NCOR1: variants seen among roughly 807,000 people sequenced by gnomAD.
NCOR1 encodes the protein nuclear receptor corepressor 1.
NCOR1 carries 63 observed loss-of-function variants against 288.1 expected under a neutral mutation model. The ratio of observed to expected loss-of-function variants is 0.22; its 90% CI spans 0.18 to 0.27. NCOR1 has a LOEUF of 0.27. NCOR1 is among the 10% of genes least tolerant of loss of function. NCOR1 has a pLI of 1.00. For missense variants in NCOR1, 2,397 were observed against 3,019.2 expected (o/e 0.79, Z 4.83); for synonymous variants, 1,007 against 1,065.9 (o/e 0.94, Z 1.08).
intron 6 of NCOR1, among the ~76,000 whole-genome samples, chr17:16,154,343 T>C (rs925851247): frequency 1.3e-5 from 2 of 152,222 alleles, no homozygotes; most frequent in Non-Finnish European, 2.9e-5. Flanking sequence ...AGTCTACAGA[T>C]AGAAGTAAAT....
chr17:16,178,087 T>C (rs558380479), intron 3 of NCOR1, among the ~76,000 whole-genome samples: 1 of 152,104 alleles, frequency 6.6e-6, no homozygotes, highest in South Asian at 2.1e-4. Context: ...CAGGCATCTG[T>C]AATCCCAGCT....
At position 16,034,793 on chromosome 17, in the gene NCOR1, C is replaced by T. The variant is rs1351543627; in HGVS notation, c.7107G>A (p.Trp2369Ter). The T allele has an allele frequency of 6.2e-7, 1 of 1,613,642 alleles. No individual in the cohort carries two copies. The highest frequency in any genetic ancestry group is 8.5e-7 in the Non-Finnish European group (1 of 1,179,818). The change falls in exon 45 of 46, where the codon TGG becomes TGA. Residue 2369 changes from tryptophan to a stop codon, truncating the protein, a stop_gained. Coordinates refer to ENST00000268712, the MANE Select transcript of NCOR1 (RefSeq NM_006311.4). LOFTEE classifies it high-confidence loss of function. ...TTGAAGAGGGCCTGTCTTCCCAGGC[C>T]CACCCTGGCGTCTGCCTATGGTAAT... ...EGDYHRQTPGWAWEDRPSSTG... is the reference protein window; with the variant it reads ...EGDYHRQTPG
At position 16,171,981 on chromosome 17, in the gene NCOR1, C is replaced by A; in HGVS notation, c.257G>T (p.Arg86Ile). Residue 86 changes from arginine (R) to isoleucine (I), a missense_variant, in exon 4 of 46, where the codon AGA becomes ATA. Coordinates refer to ENST00000268712, the MANE Select transcript of NCOR1 (RefSeq NM_006311.4). ...TGGATGAAACGGTTCATAACTAGTT[C>A]TCCTTTCTTGAGGCCTAATACATAC... is the stretch of plus-strand genomic sequence containing the variant. The part of the protein sequence containing the change: ...HPGSDRPQER[R>I]TSYEPFHPGP... 1 of 1,577,164 alleles carries A rather than the reference C, an allele frequency of 6.3e-7. No individual in the cohort carries two copies.
rs747143468 is a variant in NCOR1, at chr17:16,126,132, T to C, written c.1584A>G (p.Lys528=). ...EEDKAEKTEK[K]EEEKKDEEEK... The stretch of plus-strand genomic sequence containing the variant: ...CCTCTTCATCTTTCTTTTCTTCTTC[T>C]TTTTTTTCTGTTTTTTCTGCTTTAT... Residue 528 remains lysine (K), a synonymous_variant, in exon 15 of 46, where the codon AAA becomes AAG. Coordinates refer to ENST00000268712, the MANE Select transcript of NCOR1 (RefSeq NM_006311.4). 13 of 1,541,802 alleles carry C rather than the reference T, an allele frequency of 8.4e-6. No homozygotes were observed. The South Asian group carries it at 1.5e-4, about 17-fold the overall frequency.
At position 16,068,081 on chromosome 17, in the gene NCOR1, T is replaced by C. The variant is rs767904028; in HGVS notation, c.4554A>G (p.Lys1518=). The C allele has an allele frequency of 2.5e-5, 41 of 1,613,828 alleles. 1 individual carries two copies. Among genetic ancestry groups the C allele is most frequent in the Non-Finnish European group, 3.5e-5 (41 of 1,179,932 alleles). Residue 1518 remains lysine (K), a synonymous_variant, in exon 32 of 46, where the codon AAA becomes AAG. Coordinates refer to ENST00000268712, the MANE Select transcript of NCOR1 (RefSeq NM_006311.4). Reference sequence around the variant, plus strand: ...CCCTCTGGGTAGGGGTCAGTGTCGATTTCCTTTCATGATTGGTAGACTTGT... The same window carrying C: ...CCCTCTGGGTAGGGGTCAGTGTCGACTTCCTTTCATGATTGGTAGACTTGT... ...SSNKSTNHER[K]STLTPTQRES...
chr17:16,179,354 A>G (rs6502495), intron 3 of NCOR1, among the ~76,000 whole-genome samples: 7,528 of 152,262 alleles, frequency 0.049, 224 homozygotes, highest in African/African-American at 0.092. Context: ...ATGTCAATAA[A>G]TTGGATAACC....
intron 8 of NCOR1, among the ~76,000 whole-genome samples, chr17:16,150,068 T>C (rs1172074947): frequency 3.3e-5 from 5 of 152,082 alleles, no homozygotes; most frequent in African/African-American, 1.2e-4. Context: ...TTCTAATATA[T>C]CTTAATCGCT....
At chr17:16,067,288 T>C (rs1241650268) in intron 32 of NCOR1, among the ~76,000 whole-genome samples, 1 of 152,240 alleles carries the variant, frequency 6.6e-6, no homozygotes, top group Non-Finnish European at 1.5e-5. Context: ...ACATAATTTG[T>C]AAATCAAGGA....
intron 21 of NCOR1, among the ~76,000 whole-genome samples, chr17:16,095,374 A>G: frequency 6.8e-6 from 1 of 147,696 alleles, no homozygotes; most frequent in East Asian, 2.1e-4. Flanking sequence ...CCCGGCAGCC[A>G]CCCCGCCCGG....
At chr17:16,184,991 A>T (rs2086301765) in intron 3 of NCOR1, among the ~76,000 whole-genome samples, 2 of 141,304 alleles carry the variant, frequency 1.4e-5, no homozygotes, top group South Asian at 4.7e-4. Flanking sequence ...GATTTCGCTT[A>T]TATGTGGAAT....
chr17:16,109,739 T>TA (rs2069599705), intron 18 of NCOR1, among the ~76,000 whole-genome samples: 1 of 121,124 alleles, frequency 8.3e-6, no homozygotes, highest in Non-Finnish European at 1.7e-5. Flanking sequence ...CCACTCAATT[T>TA]ATTTTTCTTT....
chr17:16,052,348 T>C (rs1158555840), intron 40 of NCOR1, among the ~76,000 whole-genome samples: 1 of 151,644 alleles, frequency 6.6e-6, no homozygotes, highest in African/African-American at 2.4e-5. Context: ...TTAGAAAAAA[T>C]TAATAAAACA....
intron 2 of NCOR1, among the ~76,000 whole-genome samples, chr17:16,191,550 CACTG>C (rs1381372026): frequency 4.0e-5 from 6 of 151,720 alleles, no homozygotes; most frequent in Non-Finnish European, 7.4e-5. Context: ...AAGAAAGGAT[CACTG>C]ACTATGATAC....
chr17:16,146,207 C>T (rs895916925), intron 10 of NCOR1, among the ~76,000 whole-genome samples, 169 bp downstream of exon 10: 10 of 152,116 alleles, frequency 6.6e-5, no homozygotes, highest in Non-Finnish European at 1.3e-4. Context: ...CCTTTGTTCA[C>T]ATGTTTATCT....
chr17:16,062,397 A>C, intron 35 of NCOR1, 127 bp from the exon 36 acceptor site: 1 of 982,534 alleles, frequency 1.0e-6, no homozygotes, highest in South Asian at 2.6e-5. Flanking sequence ...AAGATAAGAA[A>C]CTTGATAGTC....
chr17:16,054,070 T>C lies in NCOR1; in HGVS notation c.6392+3444A>G, dbSNP rs1361459905. On this transcript the variant is annotated intron_variant, in intron 40 of 45. Coordinates refer to ENST00000268712, the MANE Select transcript of NCOR1 (RefSeq NM_006311.4). ...TCAAGATGGATTAAAGACTTAAATG[T>C]AAAAAAAAAAAAAAAAAAAAAAACT... Among the ~76,000 whole-genome samples, 6 of 72,124 alleles carry C rather than the reference T, an allele frequency of 8.3e-5. No individual in the cohort carries two copies. The Admixed American group carries it at 9.1e-4, about 11-fold the overall frequency. The allele number at this position is 72,124 out of a possible 152,430, so 47.3% of individuals were successfully genotyped here.
At chr17:16,034,528 A>AG (rs1056672683) in intron 45 of NCOR1, among the ~76,000 whole-genome samples, 2 of 152,066 alleles carry the variant, frequency 1.3e-5, no homozygotes, top group African/African-American at 4.8e-5. Context: ...GGATCACCTG[A>AG]GCCTCAGAGG....
At chr17:16,169,544 G>A (rs2082712709) in intron 4 of NCOR1, among the ~76,000 whole-genome samples, 1 of 152,142 alleles carries the variant, frequency 6.6e-6, no homozygotes, top group African/African-American at 2.4e-5. Context: ...GGAAGGAGAA[G>A]TATTAGTTAG....
chr17:16,205,802 T>G (rs1032339260), intron 1 of NCOR1, among the ~76,000 whole-genome samples: 11 of 151,082 alleles, frequency 7.3e-5, no homozygotes, highest in Non-Finnish European at 1.3e-4. Context: ...CTGGGAGTGG[T>G]GGTGCATGCC....
Sources: gnomAD v4.1 joint callset for allele counts (sites outside exome capture counted in the v4.1 genomes callset) on GRCh38, gnomAD v4.1.1 for gene constraint, MANE v1.5 for transcripts, NCBI Gene and HGNC (gene_info 2026-07-23, HGNC 2026-07-21) for gene names.